ITGAL: variants seen among roughly 807,000 people sequenced by gnomAD.
The protein encoded by ITGAL is integrin subunit alpha L, also known as integrin alpha-L.
A neutral mutation model predicts 138.4 loss-of-function variants in ITGAL; 68 were observed. The observed-to-expected ratio is 0.49, with a 90% CI of 0.40 to 0.60. ITGAL has a LOEUF of 0.60. ITGAL is among the 20% of genes least tolerant of loss of function. The pLI is 0.00. For missense variants in ITGAL, 1,256 were observed against 1,478.6 expected (o/e 0.85, Z 2.47); for synonymous variants, 561 against 584.3 (o/e 0.96, Z 0.57).
chr16:30,490,951 C>G (rs929544677), intron 11 of ITGAL, among the ~76,000 whole-genome samples: 12 of 143,952 alleles, frequency 8.3e-5, no homozygotes, highest in Non-Finnish European at 1.6e-4. Context: ...GCCTGGGTGA[C>G]AGAGAGAGAC....
chr16:30,495,334 A>T (rs1005265974), intron 13 of ITGAL, among the ~76,000 whole-genome samples: 3 of 151,940 alleles, frequency 2.0e-5, no homozygotes, highest in Non-Finnish European at 4.4e-5. Flanking sequence ...TAATTTTTGT[A>T]TTCTTAGTAG....
chr16:30,497,299 C>T (rs1169065499), intron 15 of ITGAL, among the ~76,000 whole-genome samples: 3 of 150,850 alleles, frequency 2.0e-5, no homozygotes, highest in South Asian at 2.1e-4. Flanking sequence ...GCCGAGATCG[C>T]GCCCCTGCAC....
intron 15 of ITGAL, among the ~76,000 whole-genome samples, chr16:30,497,729 T>G (rs1268270301): frequency 6.6e-6 from 1 of 151,744 alleles, no homozygotes; most frequent in Non-Finnish European, 1.5e-5. Flanking sequence ...TCCGCCCGTC[T>G]CGGCCTCCCA....
At position 30,492,557 on chromosome 16, in the gene ITGAL, G is replaced by A. The variant is rs1200923464; in HGVS notation, c.1214-1655G>A. Among the ~76,000 whole-genome samples the A allele has an allele frequency of 6.5e-5, 9 of 138,672 alleles. No homozygotes were observed. The East Asian group carries it at 1.8e-3, about 27-fold the overall frequency. The allele number at this position is 138,672 out of a possible 152,430, so 91.0% of individuals were successfully genotyped here. On this transcript the variant is annotated intron_variant, in intron 11 of 30. Coordinates refer to ENST00000356798, the MANE Select transcript of ITGAL (RefSeq NM_002209.3). ...GTGTGCCACCGCTCCCGGCCAACAT[G>A]GTATCTTTTTTTTTTTTGAGACGGA...
At chr16:30,488,355 C>A (rs1040509245) in intron 9 of ITGAL, among the ~76,000 whole-genome samples, 4 of 151,838 alleles carry the variant, frequency 2.6e-5, no homozygotes, top group African/African-American at 7.3e-5. Flanking sequence ...AAGTGAGAAG[C>A]CTGAGTCAGA....
intron 16 of ITGAL, 50 bp downstream of exon 16, chr16:30,499,284 C>T: frequency 1.2e-6 from 2 of 1,613,124 alleles, no homozygotes; most frequent in Non-Finnish European, 1.7e-6. Context: ...CAAATCCAGG[C>T]TTATGGCCTG....
At position 30,481,533 on chromosome 16, in the gene ITGAL, TA is replaced by T; in HGVS notation, c.674del (p.Lys225SerfsTer6). On this transcript the variant is annotated frameshift_variant, in exon 7 of 31. Transcript: ENST00000356798. LOFTEE classifies it high-confidence loss of function. ...RKDPDALLKH[V>X]KHMLLLTNTF... Reference sequence around the variant, plus strand: ...GACCCTGATGCTCTGCTGAAGCATGTAAAGCACATGTTGCTGTTGACCAATA... The same window carrying T: ...GACCCTGATGCTCTGCTGAAGCATGTAAGCACATGTTGCTGTTGACCAATA... 1 of 1,613,720 alleles carries T rather than the reference TA, an allele frequency of 6.2e-7. No individual in the cohort carries two copies.
chr16:30,491,622 T>A (rs2050725007), intron 11 of ITGAL, among the ~76,000 whole-genome samples: 2 of 152,050 alleles, frequency 1.3e-5, no homozygotes, highest in Non-Finnish European at 2.9e-5. Flanking sequence ...CCCATGAGAT[T>A]GGTACTGTTC....
intron 7 of ITGAL, among the ~76,000 whole-genome samples, chr16:30,482,853 G>T (rs1211508603): frequency 3.3e-5 from 5 of 152,086 alleles, no homozygotes; most frequent in East Asian, 3.9e-4. Flanking sequence ...TAGAGTCAAG[G>T]TCTCACTCTG....
chr16:30,518,047 AATG>A (rs2151208107), intron 28 of ITGAL, 152 bp downstream of exon 28: 1 of 664,572 alleles, frequency 1.5e-6, no homozygotes, highest in South Asian at 1.6e-5. Flanking sequence ...GAAAGAGAAC[AATG>A]ATTTCTGTGA....
intron 1 of ITGAL, among the ~76,000 whole-genome samples, chr16:30,473,403 A>G (rs1029028464): frequency 1.3e-5 from 2 of 152,246 alleles, no homozygotes; most frequent in South Asian, 2.1e-4. Flanking sequence ...AATGCACTCC[A>G]GCCTGGGTGA....
chr16:30,494,777 T>C lies in ITGAL; in HGVS notation c.1430T>C (p.Leu477Pro). Residue 477 changes from leucine (L) to proline (P), a missense_variant, in exon 13 of 31, where the codon CTG (leucine) becomes CCG (proline). Leu to Pro is a moderately conservative substitution (Grantham distance 98). Around this residue, in one of 3 missense-constraint regions of ITGAL, gnomAD observed 867 missense variants for 972.5 expected, o/e 0.89. Transcript: ENST00000356798. This position sits in a 1 kb window ranked among gnomAD's most constrained non-coding sequence, Gnocchi z 4.2. ...GTGGACCAAGATGGGGAGACAGAGC[T>C]GCTGCTGATTGGTGCCCCACTGTTC... is the stretch of plus-strand genomic sequence containing the variant. ...VDVDQDGETELLLIGAPLFYG... is the reference protein window; with the variant it reads ...VDVDQDGETEPLLIGAPLFYG... 1 of 1,613,582 alleles carries C rather than the reference T, an allele frequency of 6.2e-7. No individual in the cohort carries two copies. Among genetic ancestry groups the C allele is most frequent in the Non-Finnish European group, 8.5e-7 (1 of 1,179,658 alleles).
chr16:30,518,810 C>T (rs1003900429), intron 29 of ITGAL, 91 bp downstream of exon 29: 19 of 971,170 alleles, frequency 2.0e-5, no homozygotes, highest in African/African-American at 1.6e-5. Context: ...AGCTCCTGGG[C>T]TCTGTGCGAG....
At chr16:30,517,133 G>T in intron 26 of ITGAL, 47 bp downstream of exon 26, 1 of 1,281,388 alleles carries the variant, frequency 7.8e-7, no homozygotes. Flanking sequence ...CAGGTCTTGG[G>T]GGTGAGTGCA....
At chr16:30,489,767 C>A (rs1458039147) in intron 11 of ITGAL, among the ~76,000 whole-genome samples, 1 of 151,934 alleles carries the variant, frequency 6.6e-6, no homozygotes, top group Non-Finnish European at 1.5e-5. Context: ...GAAACCCTGT[C>A]TCTACTAAAA....
chr16:30,511,512 G>A (rs1238354682), intron 24 of ITGAL, among the ~76,000 whole-genome samples: 2 of 152,152 alleles, frequency 1.3e-5, no homozygotes, highest in African/African-American at 2.4e-5. Flanking sequence ...GAGAAGGCCG[G>A]CACTTACCCA....
chr16:30,487,740 G>A (rs1469067069), intron 9 of ITGAL, among the ~76,000 whole-genome samples: 2 of 137,508 alleles, frequency 1.5e-5, no homozygotes, highest in Admixed American at 1.5e-4. Context: ...GAGTTTCACT[G>A]TGTCAGCCAG....
intron 29 of ITGAL, among the ~76,000 whole-genome samples, chr16:30,519,382 C>CAA (rs1282462433): frequency 7.3e-6 from 1 of 136,496 alleles, no homozygotes; most frequent in African/African-American, 2.7e-5. Context: ...GACCTTATCT[C>CAA]AAAAAAAAAA....
chr16:30,505,130 C>A, intron 18 of ITGAL, 114 bp from the exon 19 acceptor site: 2 of 1,061,278 alleles, frequency 1.9e-6, no homozygotes, highest in Non-Finnish European at 2.6e-6. Flanking sequence ...TGGGCAGGGC[C>A]AACCACAGCC....
Sources: allele counts gnomAD v4.1 joint callset (sites outside exome capture counted in the v4.1 genomes callset), GRCh38; gene constraint gnomAD v4.1.1; regional missense constraint gnomAD v4.1.1; non-coding constraint Gnocchi (gnomAD v3.1); transcripts MANE v1.5; gene names NCBI Gene and HGNC (gene_info 2026-07-23, HGNC 2026-07-21).